KCND3: variants seen among roughly 807,000 people sequenced by gnomAD.
The protein encoded by KCND3 is A-type voltage-gated potassium channel KCND3.
In KCND3, 9 loss-of-function variants were observed where a neutral mutation model predicts 51.1. The ratio of observed to expected loss-of-function variants is 0.18; its 90% CI spans 0.11 to 0.31. The LOEUF is 0.31. Ranked by LOEUF, KCND3 falls within the 10% of genes least tolerant of loss-of-function variation. KCND3 has a pLI of 1.00. For synonymous variants in KCND3, 349 were observed against 368.0 expected (o/e 0.95, Z 0.59); for missense variants, 526 against 903.8 (o/e 0.58, Z 5.36).
intron 2 of KCND3, among the ~76,000 whole-genome samples, chr1:111,796,003 T>G (rs185019125): frequency 1.7e-3 from 254 of 152,366 alleles, no homozygotes; most frequent in African/African-American, 5.4e-3. Context: ...TGTCTGTTCA[T>G]GTCCTTTGCC....
intron 2 of KCND3, among the ~76,000 whole-genome samples, chr1:111,808,284 C>G (rs1200572841): frequency 1.3e-5 from 2 of 152,198 alleles, no homozygotes; most frequent in Non-Finnish European, 2.9e-5. Flanking sequence ...GGCCTGACGT[C>G]TGCCACTCCA....
In KCND3 at chr1:111,981,133, C is replaced by T. The variant is rs1025409285; in HGVS notation, c.1106+488G>A. Among the ~76,000 whole-genome samples, 1 of 152,080 alleles carries T rather than the reference C, an allele frequency of 6.6e-6. No homozygotes were observed. Among genetic ancestry groups the T allele is most frequent in the Admixed American group, 6.5e-5 (1 of 15,274 alleles). On this transcript the variant is annotated intron_variant, in intron 2 of 7. Transcript: ENST00000302127. The surrounding 1 kb of genome is among the most constrained non-coding windows in gnomAD (Gnocchi z 6.2). ...AAAGCATAACAAATGGGAAAATGGC[C>T]TGCAAAATATACTACAAAGAAAAAA...
At chr1:111,974,163 G>A (rs1018319174) in intron 2 of KCND3, among the ~76,000 whole-genome samples, 4 of 152,162 alleles carry the variant, frequency 2.6e-5, no homozygotes, top group South Asian at 2.1e-4. Context: ...AGATGCCTGT[G>A]TTCTGGCCGG....
At chr1:111,792,902 A>G (rs2101518557) in intron 2 of KCND3, among the ~76,000 whole-genome samples, 1 of 148,290 alleles carries the variant, frequency 6.7e-6, no homozygotes, top group Admixed American at 6.7e-5. Flanking sequence ...AAAATTATAT[A>G]TATTATAATT....
intron 2 of KCND3, chr1:111,856,992 A>C (rs1378460643): frequency 6.6e-6 from 1 of 152,216 alleles, no homozygotes; most frequent in Non-Finnish European, 1.5e-5. Flanking sequence ...TACCTTTGAC[A>C]CACTGTCTTT....
chr1:111,777,545 T>G (rs1664183994), intron 6 of KCND3, among the ~76,000 whole-genome samples: 1 of 152,194 alleles, frequency 6.6e-6, no homozygotes, highest in Non-Finnish European at 1.5e-5. Context: ...CACCTACAGC[T>G]TTGAGCTGAA....
intron 3 of KCND3, among the ~76,000 whole-genome samples, chr1:111,781,538 T>G (rs1451775603): frequency 6.6e-6 from 1 of 152,216 alleles, no homozygotes; most frequent in Non-Finnish European, 1.5e-5. Context: ...TTTTATTTTT[T>G]TGAGACGGAG....
chr1:111,958,701 G>A (rs977570779), intron 2 of KCND3, among the ~76,000 whole-genome samples: 2 of 152,114 alleles, frequency 1.3e-5, no homozygotes, highest in East Asian at 3.8e-4. Context: ...TCTGGAGCTG[G>A]CAGGCCCCCT....
intron 2 of KCND3, among the ~76,000 whole-genome samples, chr1:111,808,238 A>T (rs539932834): frequency 6.6e-6 from 1 of 152,260 alleles, no homozygotes; most frequent in Non-Finnish European, 1.5e-5. Context: ...CTTAAAAAAA[A>T]CACTGCTCTT....
chr1:111,970,681 C>T (rs1340806178), intron 2 of KCND3, among the ~76,000 whole-genome samples: 1 of 152,184 alleles, frequency 6.6e-6, no homozygotes, highest in African/African-American at 2.4e-5. Context: ...GTCAAAGGAC[C>T]TCAGTCTAAA....
At chr1:111,948,232 G>A (rs115995753) in intron 2 of KCND3, among the ~76,000 whole-genome samples, 3 of 152,306 alleles carry the variant, frequency 2.0e-5, no homozygotes, top group South Asian at 4.1e-4. Flanking sequence ...TTCAAGCCAC[G>A]GGGCTGGTGC....
At chr1:111,777,650 G>T (rs1664188417) in intron 6 of KCND3, among the ~76,000 whole-genome samples, 1 of 152,196 alleles carries the variant, frequency 6.6e-6, no homozygotes, top group Non-Finnish European at 1.5e-5. Context: ...GCCAGAGGTG[G>T]CAGATAAGGA....
intron 2 of KCND3, among the ~76,000 whole-genome samples, chr1:111,813,402 G>A (rs1309980725): frequency 6.6e-6 from 1 of 152,234 alleles, no homozygotes; most frequent in Non-Finnish European, 1.5e-5. Context: ...GAGCACCAGA[G>A]CTGAAGCCAA....
At chr1:111,866,272 T>A (rs891445862) in intron 2 of KCND3, among the ~76,000 whole-genome samples, 5 of 148,072 alleles carry the variant, frequency 3.4e-5, no homozygotes, top group Admixed American at 2.0e-4. Flanking sequence ...TCTTTTTTTT[T>A]TTTTTTTTGA....
chr1:111,924,971 T>C (rs1287261161), intron 2 of KCND3, among the ~76,000 whole-genome samples: 2 of 152,224 alleles, frequency 1.3e-5, no homozygotes, highest in Non-Finnish European at 2.9e-5. Context: ...TGAAGGCCTT[T>C]GCTGCTCTCA....
chr1:111,922,027 C>G (rs1245561932), intron 2 of KCND3, among the ~76,000 whole-genome samples: 2 of 152,194 alleles, frequency 1.3e-5, no homozygotes, highest in African/African-American at 4.8e-5. Flanking sequence ...GTTCTCTTCT[C>G]AAGGCAGCTA....
chr1:111,927,443 G>A (rs1212720582), intron 2 of KCND3, among the ~76,000 whole-genome samples: 1 of 152,244 alleles, frequency 6.6e-6, no homozygotes, highest in Admixed American at 6.5e-5. Flanking sequence ...ATAAGCCACT[G>A]AGTTAGAGAA....
At chr1:111,874,750 A>G (rs1668975348) in intron 2 of KCND3, among the ~76,000 whole-genome samples, 2 of 152,120 alleles carry the variant, frequency 1.3e-5, no homozygotes, top group Non-Finnish European at 2.9e-5. Context: ...AATGACACAC[A>G]CGCCTTTTCT....
chr1:111,785,428 A>G (rs954518298), intron 3 of KCND3, among the ~76,000 whole-genome samples: 5 of 152,176 alleles, frequency 3.3e-5, no homozygotes, highest in Non-Finnish European at 7.3e-5. Context: ...ACCTTGGGTG[A>G]AGAGGTAGGA....
Sources: allele counts gnomAD v4.1 joint callset (sites outside exome capture counted in the v4.1 genomes callset), GRCh38; gene constraint gnomAD v4.1.1; non-coding constraint Gnocchi (gnomAD v3.1); transcripts MANE v1.5; gene names NCBI Gene and HGNC (gene_info 2026-07-23, HGNC 2026-07-21).